DCAF5: variants seen among roughly 807,000 people sequenced by gnomAD.
The protein encoded by DCAF5 is DDB1 and CUL4 associated factor 5, also known as DDB1- and CUL4-associated factor 5.
A neutral mutation model predicts 80.7 loss-of-function variants in DCAF5; 9 were observed. That is an observed-to-expected ratio of 0.11 (90% CI 0.07 to 0.19). The LOEUF is 0.19. Among genes scored for constraint, DCAF5 ranks in the 10% least tolerant of loss-of-function variants. The probability of loss-of-function intolerance (pLI) is 1.00; values close to 1 mark genes in which losing one functional copy is unlikely to be tolerated. For synonymous variants in DCAF5, 433 were observed against 461.9 expected (o/e 0.94, Z 0.80); for missense variants, 842 against 1,205.7 (o/e 0.70, Z 4.47).
chr14:69,098,432 A>G (rs1375184672), intron 5 of DCAF5, among the ~76,000 whole-genome samples: 3 of 151,950 alleles, frequency 2.0e-5, no homozygotes, highest in Non-Finnish European at 4.4e-5. Context: ...ATATTTTTAC[A>G]TATTTATTTT....
intron 1 of DCAF5, among the ~76,000 whole-genome samples, chr14:69,150,722 C>CAT (rs2041676908): frequency 7.3e-6 from 1 of 137,308 alleles, no homozygotes; most frequent in African/African-American, 2.7e-5. Context: ...TCCACCTCTA[C>CAT]AAAAAAAAAA....
chr14:69,054,616 A>C lies in DCAF5; in HGVS notation c.2070T>G (p.Asp690Glu), dbSNP rs1482603937. 6.2e-7 allele frequency: 1 copy of C among 1,614,116 alleles called. No homozygotes were observed. The highest frequency in any genetic ancestry group is 8.5e-7 in the Non-Finnish European group (1 of 1,180,004). ...GETSLVTGEADEGRAGTSHKD... is the reference protein window; with the variant it reads ...GETSLVTGEAEEGRAGTSHKD... Reference sequence around the variant, plus strand: ...TGTGGCTGGTTCCTGCTCTCCCTTCATCTGCCTCCCCGGTCACCAAGGAGG... The same window carrying C: ...TGTGGCTGGTTCCTGCTCTCCCTTCCTCTGCCTCCCCGGTCACCAAGGAGG... The change falls in exon 9 of 9, where the codon GAT becomes GAG. Residue 690 changes from aspartate (D) to glutamate (E), a missense_variant. Physicochemically the swap from Asp to Glu is conservative, Grantham distance 45. Around this residue, in one of 5 missense-constraint regions of DCAF5, gnomAD observed 607 missense variants for 656.6 expected, o/e 0.92. Transcript: ENST00000341516.
rs542922608 is a variant in DCAF5 at position 69,075,330 on chromosome 14, G to A, written c.946+15C>T. On this transcript the variant is annotated intron_variant, in intron 7 of 8. Transcript: ENST00000341516. Reference sequence around the variant, plus strand: ...GCCAGCAATAGCAGTACATTCATGTGAAGGATATACTTGCCTGCTTCTGGA... The same window carrying A: ...GCCAGCAATAGCAGTACATTCATGTAAAGGATATACTTGCCTGCTTCTGGA... The A allele has an allele frequency of 2.5e-6, 4 of 1,600,978 alleles. No homozygotes were observed. The highest frequency in any genetic ancestry group is 3.4e-6 in the Non-Finnish European group (4 of 1,171,168).
chr14:69,083,321 C>T (rs2039187561), intron 6 of DCAF5: 1 of 156,708 alleles, frequency 6.4e-6, no homozygotes, highest in Non-Finnish European at 1.4e-5. Context: ...TTATAAATGG[C>T]TGATTTAATA....
rs568979022 is a variant in DCAF5, at chr14:69,106,562, G to C, written c.665+9804C>G. Among the ~76,000 whole-genome samples, 3 of 152,020 alleles carry C rather than the reference G, an allele frequency of 2.0e-5. No homozygotes were observed. In the East Asian group the frequency reaches 5.8e-4, roughly 30 times the overall value. On this transcript the variant is annotated intron_variant, in intron 5 of 8. Coordinates refer to ENST00000341516, the MANE Select transcript of DCAF5 (RefSeq NM_003861.3). ...ATTTTTAAAAGAATACTTTTGTAGA[G>C]ATAGGGTGTATGTTGCCCAGGCATG...
At chr14:69,114,977 T>G (rs186678413) in intron 5 of DCAF5, among the ~76,000 whole-genome samples, 55 of 152,314 alleles carry the variant, frequency 3.6e-4, no homozygotes, top group African/African-American at 1.3e-3. Flanking sequence ...CCCACTCCAG[T>G]TGCCAGCTAT....
At chr14:69,093,102 T>TA (rs1290780647) in intron 5 of DCAF5, among the ~76,000 whole-genome samples, 2 of 152,212 alleles carry the variant, frequency 1.3e-5, no homozygotes, top group African/African-American at 4.8e-5. Flanking sequence ...TTGGGGGTGG[T>TA]AAGTGTGATC....
At chr14:69,084,751 G>A in intron 6 of DCAF5, 1 of 1,195,278 alleles carries the variant, frequency 8.4e-7, no homozygotes, top group Non-Finnish European at 1.2e-6. Flanking sequence ...TTCATGGAAA[G>A]CAAAAGCAAA....
intron 7 of DCAF5, among the ~76,000 whole-genome samples, chr14:69,067,840 T>A (rs2038521852): frequency 1.3e-5 from 2 of 152,060 alleles, no homozygotes; most frequent in African/African-American, 4.8e-5. Context: ...TTTCGCCATG[T>A]TAGCCAGCAT....
Position 69,066,134 on chromosome 14 carries a change from A to G in DCAF5, c.947-3623T>C, listed in dbSNP as rs1315689694. ...GGTTGGCTTAGCCAAATGTGCTGACACTGTTTTTTTTTTTTTTTGAGATGG... is the reference window on the plus strand; with the variant it reads ...GGTTGGCTTAGCCAAATGTGCTGACGCTGTTTTTTTTTTTTTTTGAGATGG... On this transcript the variant is annotated intron_variant, in intron 7 of 8. Transcript: ENST00000341516. Among the ~76,000 whole-genome samples the G allele has an allele frequency of 7.4e-5, 11 of 147,742 alleles. No individual in the cohort carries two copies. The South Asian group carries it at 1.9e-3, about 26-fold the overall frequency.
Position 69,053,664 on chromosome 14 carries a change from A to C in DCAF5, c.*193T>G. The C allele has an allele frequency of 1.7e-6, 1 of 589,202 alleles. No individual in the cohort carries two copies. Among genetic ancestry groups the C allele is most frequent in the Non-Finnish European group, 2.9e-6 (1 of 345,160 alleles). 36.5% of individuals were successfully genotyped at this position (589,202 alleles called of 1,614,324 possible). Reference sequence around the variant, plus strand: ...TTTTTCCCCTTTCTTAACACAGCACAAGCCAATGGCCAGCTAGACATTCAG... The same window carrying C: ...TTTTTCCCCTTTCTTAACACAGCACCAGCCAATGGCCAGCTAGACATTCAG... On this transcript the variant is annotated 3_prime_UTR_variant, in exon 9 of 9. Coordinates refer to ENST00000341516, the MANE Select transcript of DCAF5 (RefSeq NM_003861.3).
At position 69,153,010 on chromosome 14, in the gene DCAF5, C is replaced by T; in HGVS notation, c.-32G>A. 6.6e-7 allele frequency: 1 copy of T among 1,515,836 alleles called. No individual in the cohort carries two copies. 93.9% of individuals were successfully genotyped at this position (1,515,836 alleles called of 1,614,324 possible). On this transcript the variant is annotated 5_prime_UTR_variant, in exon 1 of 9. Transcript: ENST00000341516. ...ACCGCCGCCGCCGCCGCTCGCGCCG[C>T]CGCCCCTCCCTCGGCCTCACGCGCG...
intron 1 of DCAF5, among the ~76,000 whole-genome samples, chr14:69,149,809 T>C (rs1049499960): frequency 1.3e-5 from 2 of 152,194 alleles, no homozygotes; most frequent in African/African-American, 4.8e-5. Flanking sequence ...CATTACAACA[T>C]TGGGGATACA....
chr14:69,054,844 G>A lies in DCAF5; in HGVS notation c.1842C>T (p.Asn614=). 1 of 1,614,220 alleles carries A rather than the reference G, an allele frequency of 6.2e-7. No individual in the cohort carries two copies. The highest frequency in any genetic ancestry group is 2.2e-5 in the East Asian group (1 of 44,888). ...KPTNTYIGED[N]YDYPQIKVDD... Reference sequence around the variant, plus strand: ...CCACTTTGATCTGGGGGTAATCATAGTTGTCTTCTCCAATGTAAGTGTTGG... The same window carrying A: ...CCACTTTGATCTGGGGGTAATCATAATTGTCTTCTCCAATGTAAGTGTTGG... The change falls in exon 9 of 9, where the codon AAC becomes AAT. Residue 614 remains asparagine (N), a synonymous_variant. Transcript: ENST00000341516.
chr14:69,127,121 A>T (rs2040901946), intron 1 of DCAF5, among the ~76,000 whole-genome samples: 1 of 152,206 alleles, frequency 6.6e-6, no homozygotes, highest in African/African-American at 2.4e-5. Context: ...GCAATCCAGC[A>T]ATCATGCTCC....
chr14:69,122,856 C>G (rs2040764548), intron 1 of DCAF5, among the ~76,000 whole-genome samples: 1 of 134,730 alleles, frequency 7.4e-6, no homozygotes, highest in African/African-American at 2.7e-5. Flanking sequence ...ACTAAGAAAT[C>G]ACCTGACTCT....
chr14:69,121,885 G>C (rs927425171), intron 2 of DCAF5, among the ~76,000 whole-genome samples: 1 of 152,128 alleles, frequency 6.6e-6, no homozygotes, highest in African/African-American at 2.4e-5. Context: ...AAAAACCAGA[G>C]TGTGCCACAA....
intron 7 of DCAF5, among the ~76,000 whole-genome samples, chr14:69,070,113 C>A (rs528918264): frequency 6.6e-5 from 10 of 152,304 alleles, no homozygotes; most frequent in African/African-American, 2.2e-4. Flanking sequence ...CCATTCCTAA[C>A]AACTCTATCA....
chr14:69,125,377 T>C (rs1938351041), intron 1 of DCAF5, among the ~76,000 whole-genome samples: 1 of 152,188 alleles, frequency 6.6e-6, no homozygotes, highest in Admixed American at 6.5e-5. Flanking sequence ...TTATAAGAAT[T>C]CTTGCAGTGC....
Sources: gnomAD v4.1 joint callset for allele counts (sites outside exome capture counted in the v4.1 genomes callset) on GRCh38, gnomAD v4.1.1 for gene constraint, gnomAD v4.1.1 regional missense constraint, MANE v1.5 for transcripts, NCBI Gene and HGNC (gene_info 2026-07-23, HGNC 2026-07-21) for gene names.